The following CACHD1 variants were observed in gnomAD, a reference collection of about 807,000 sequenced individuals.
CACHD1 encodes VWFA and cache domain-containing protein 1.
A neutral mutation model predicts 138.7 loss-of-function variants in CACHD1; 71 were observed. The ratio of observed to expected loss-of-function variants is 0.51; its 90% CI spans 0.42 to 0.62. CACHD1 has a LOEUF of 0.62. CACHD1 is among the 20% of genes least tolerant of loss of function. The probability of loss-of-function intolerance (pLI) is 0.00; values close to 1 mark genes in which losing one functional copy is unlikely to be tolerated. For synonymous variants in CACHD1, 578 were observed against 591.5 expected (o/e 0.98, Z 0.33); for missense variants, 1,389 against 1,625.3 (o/e 0.85, Z 2.50).
intron 25 of CACHD1, among the ~76,000 whole-genome samples, chr1:64,681,541 G>GGTTTTTTTT (rs1553146851): frequency 0.024 from 1,612 of 68,038 alleles, 98 homozygotes; most frequent in African/African-American, 0.053. Context: ...ATTTTATTGT[G>GGTTTTTTTT]TTTTTTTTTT....
Position 64,673,064 on chromosome 1 carries a change from G to A in CACHD1, c.2511-94G>A, listed in dbSNP as rs959685528. On this transcript the variant is annotated intron_variant, in intron 17 of 26. Coordinates refer to ENST00000651257, the MANE Select transcript of CACHD1 (RefSeq NM_020925.4). Reference sequence around the variant, plus strand: ...TGAGAACCTGGGATAAATGCAGTTTGTTTCAGGGCTAGCAAGATAAATGCT... The same window carrying A: ...TGAGAACCTGGGATAAATGCAGTTTATTTCAGGGCTAGCAAGATAAATGCT... 8.2e-5 allele frequency: 85 copies of A among 1,038,124 alleles called. No individual in the cohort carries two copies. In the African/African-American group the frequency reaches 1.1e-3, roughly 13 times the overall value. 64.3% of individuals were successfully genotyped at this position (1,038,124 alleles called of 1,614,324 possible). A position where few individuals can be genotyped will look rare whatever the true frequency, so the allele number is the denominator to read the frequency against.
intron 1 of CACHD1, among the ~76,000 whole-genome samples, chr1:64,519,996 A>C (rs75333466): frequency 6.6e-6 from 1 of 152,302 alleles, no homozygotes; most frequent in East Asian, 1.9e-4. Context: ...TAGGCACAAA[A>C]TATTTCTGCA....
rs370219703 is a variant in CACHD1, at chr1:64,620,503, T to C, written c.518-8852T>C. On this transcript the variant is annotated intron_variant, in intron 4 of 26. Coordinates refer to ENST00000651257, the MANE Select transcript of CACHD1 (RefSeq NM_020925.4). ...ATGTTAAATAAACTAGATCTTTATT[T>C]TAATTGATCTCTAATTCAATCATAA... Among the ~76,000 whole-genome samples the C allele has an allele frequency of 1.2e-4, 18 of 152,330 alleles. 3 individuals carry two copies. The highest frequency in any genetic ancestry group is 5.2e-4 in the Admixed American group (8 of 15,302).
rs144580565 is a variant in CACHD1 at position 64,682,049 on chromosome 1, C to A, written c.3529C>A (p.His1177Asn). The change falls in exon 26 of 27, where the codon CAC (histidine) becomes AAC (asparagine). Residue 1177 changes from histidine (H) to asparagine (N), a missense_variant. By Grantham distance (68) the His-to-Asn change is moderately conservative (BLOSUM62 1). Around this residue, in one of 5 missense-constraint regions of CACHD1, gnomAD observed 250 missense variants for 292.9 expected, o/e 0.85. Coordinates refer to ENST00000651257, the MANE Select transcript of CACHD1 (RefSeq NM_020925.4). The stretch of plus-strand genomic sequence containing the variant: ...AGCTGCGGTCATCGAACGACATGCA[C>A]ACAGTCCAGAAAGAAGGCGCCGCTA... ...FIAAVIERHA[H>N]SPERRRRYWG... The A allele has an allele frequency of 6.2e-7, 1 of 1,614,112 alleles. No homozygotes were observed. The highest frequency in any genetic ancestry group is 2.2e-5 in the East Asian group (1 of 44,860).
intron 2 of CACHD1, among the ~76,000 whole-genome samples, chr1:64,572,282 T>C (rs942674672): frequency 2.0e-5 from 3 of 152,202 alleles, no homozygotes; most frequent in African/African-American, 7.2e-5. Flanking sequence ...TTTTTCCTTG[T>C]GAAGGAATAG....
chr1:64,601,015 TATA>T (rs1647207967), intron 3 of CACHD1, among the ~76,000 whole-genome samples: 1 of 152,234 alleles, frequency 6.6e-6, no homozygotes, highest in South Asian at 2.1e-4. Flanking sequence ...ACAGTGCAAA[TATA>T]ATACATTTTC....
At chr1:64,620,477 G>A (rs575056230) in intron 4 of CACHD1, among the ~76,000 whole-genome samples, 9 of 152,230 alleles carry the variant, frequency 5.9e-5, no homozygotes, top group Admixed American at 5.2e-4. Flanking sequence ...CATCCATTTG[G>A]ATGTTAAATA....
chr1:64,558,309 C>T (rs1286688140), intron 2 of CACHD1, among the ~76,000 whole-genome samples: 1 of 152,214 alleles, frequency 6.6e-6, no homozygotes, highest in African/African-American at 2.4e-5. Context: ...AGGCACATTC[C>T]TTTGCACAAG....
chr1:64,627,406 C>CA (rs971434753), intron 4 of CACHD1, among the ~76,000 whole-genome samples: 31 of 152,026 alleles, frequency 2.0e-4, no homozygotes, highest in African/African-American at 6.5e-4. Context: ...GACCCTGTCT[C>CA]AAAAAAATTT....
intron 1 of CACHD1, among the ~76,000 whole-genome samples, chr1:64,539,470 C>T (rs1646660750): frequency 6.6e-6 from 1 of 152,170 alleles, no homozygotes; most frequent in Admixed American, 6.6e-5. Context: ...CCTTATGAAG[C>T]TTGGCTTTCT....
intron 1 of CACHD1, among the ~76,000 whole-genome samples, chr1:64,538,054 A>G (rs1275649610): frequency 6.6e-6 from 1 of 152,208 alleles, no homozygotes; most frequent in Non-Finnish European, 1.5e-5. Flanking sequence ...ATTATTGTTG[A>G]GAGTCATGGC....
chr1:64,617,516 G>A (rs1342533122), intron 4 of CACHD1, among the ~76,000 whole-genome samples: 2 of 152,154 alleles, frequency 1.3e-5, no homozygotes, highest in African/African-American at 4.8e-5. Context: ...TGGACACAAA[G>A]AGCTATGAGC....
chr1:64,684,426 AGT>A lies in CACHD1; in HGVS notation c.3586+2322_3586+2323del, dbSNP rs1650297294. Among the ~76,000 whole-genome samples, 7 of 148,798 alleles carry A rather than the reference AGT, an allele frequency of 4.7e-5. No homozygotes were observed. In the South Asian group the frequency reaches 1.3e-3, roughly 27 times the overall value. On this transcript the variant is annotated intron_variant, in intron 26 of 26. Transcript: ENST00000651257. ...AGTTTTTTAATGAAGGAGTTTAAAA[AGT>A]GAAATGTAAAAATTTTTAAACTAGA...
chr1:64,653,205 G>A (rs1419908646), intron 10 of CACHD1, among the ~76,000 whole-genome samples: 2 of 151,890 alleles, frequency 1.3e-5, no homozygotes, highest in East Asian at 1.9e-4. Context: ...CAAAGAGGAG[G>A]ACAACAGATA....
intron 16 of CACHD1, among the ~76,000 whole-genome samples, chr1:64,668,890 A>G (rs1649726946): frequency 1.3e-5 from 2 of 152,240 alleles, no homozygotes; most frequent in South Asian, 4.2e-4. Flanking sequence ...TATTTTTTTC[A>G]AATGATTACT....
intron 13 of CACHD1, among the ~76,000 whole-genome samples, chr1:64,660,149 G>A (rs1649394141): frequency 6.6e-6 from 1 of 152,172 alleles, no homozygotes; most frequent in South Asian, 2.1e-4. Context: ...ATGCTTTACT[G>A]AAACACTGAT....
chr1:64,598,224 T>A (rs910392464), intron 3 of CACHD1, among the ~76,000 whole-genome samples: 6 of 152,182 alleles, frequency 3.9e-5, no homozygotes, highest in African/African-American at 9.7e-5. Context: ...ACCAGCCCTG[T>A]ATATCTTAAG....
At chr1:64,688,926 A>T (rs1650453359) in intron 26 of CACHD1, among the ~76,000 whole-genome samples, 2 of 151,774 alleles carry the variant, frequency 1.3e-5, no homozygotes, top group Non-Finnish European at 2.9e-5. Context: ...CCCAATTGTC[A>T]CCTCAAGGAT....
chr1:64,609,293 C>T (rs932363682), intron 4 of CACHD1, among the ~76,000 whole-genome samples: 16 of 152,140 alleles, frequency 1.1e-4, no homozygotes, highest in Admixed American at 1.0e-3. Flanking sequence ...GAAAAATCAA[C>T]CAAGCTAGAA....
Sources: allele counts gnomAD v4.1 joint callset (sites outside exome capture counted in the v4.1 genomes callset), GRCh38; gene constraint gnomAD v4.1.1; regional missense constraint gnomAD v4.1.1; transcripts MANE v1.5; gene names NCBI Gene and HGNC (gene_info 2026-07-23, HGNC 2026-07-21).